Variants in TECRL observed in about 807,000 individuals in gnomAD.
TECRL encodes the protein trans-2,3-enoyl-CoA reductase-like.
A neutral mutation model predicts 52.8 loss-of-function variants in TECRL; 63 were observed. That is an observed-to-expected ratio of 1.19 (90% confidence interval 0.97 to 1.47). TECRL has a LOEUF of 1.47. TECRL is among the 40% of genes most tolerant of loss of function. The pLI, the probability that TECRL is intolerant of heterozygous loss-of-function variation, is 0.00. For synonymous variants in TECRL, 164 were observed against 141.9 expected (o/e 1.16, Z -1.10); for missense variants, 482 against 429.6 (o/e 1.12, Z -1.08).
At position 64,371,881 on chromosome 4, in the gene TECRL, T is replaced by C. The variant is rs146712344; in HGVS notation, c.286+3291A>G. ...AACATGTTCTAATAAAGTCATATTT[T>C]ATCCCAAGAGAAAAGTGGGTTACTT... On this transcript the variant is annotated intron_variant, in intron 2 of 11. Coordinates refer to ENST00000381210, the MANE Select transcript of TECRL (RefSeq NM_001010874.5). Among the ~76,000 whole-genome samples, 6 of 151,950 alleles carry C rather than the reference T, an allele frequency of 3.9e-5. No homozygotes were observed. In the East Asian group the frequency reaches 1.2e-3, roughly 29 times the overall value.
intron 4 of TECRL, among the ~76,000 whole-genome samples, chr4:64,316,088 T>C (rs934387767): frequency 6.6e-6 from 1 of 152,110 alleles, no homozygotes; most frequent in East Asian, 1.9e-4. Context: ...ATTGTTTTAG[T>C]ACAATAAAAT....
At chr4:64,312,707 A>C (rs1260413209) in intron 5 of TECRL, among the ~76,000 whole-genome samples, 4 of 151,474 alleles carry the variant, frequency 2.6e-5, no homozygotes, top group Non-Finnish European at 5.9e-5. Flanking sequence ...GTGAGGCTGC[A>C]GTGAGCCATA....
intron 8 of TECRL, 41 bp downstream of exon 8, chr4:64,299,933 A>G (rs1402783165): frequency 1.5e-6 from 2 of 1,351,254 alleles, no homozygotes; most frequent in East Asian, 5.1e-5. Context: ...AATAATACCA[A>G]AATTAGAGCG....
chr4:64,367,108 A>G (rs1293357058), intron 2 of TECRL, among the ~76,000 whole-genome samples: 1 of 152,146 alleles, frequency 6.6e-6, no homozygotes, highest in African/African-American at 2.4e-5. Context: ...GCTGGAGGCC[A>G]TTATCATGTG....
intron 4 of TECRL, among the ~76,000 whole-genome samples, chr4:64,322,442 TG>T: frequency 8.0e-6 from 1 of 124,910 alleles, no homozygotes; most frequent in East Asian, 2.3e-4. Flanking sequence ...AGTAATAGAG[TG>T]GGTTGACTTT....
intron 1 of TECRL, among the ~76,000 whole-genome samples, chr4:64,382,590 A>G (rs1404237768): frequency 6.6e-6 from 1 of 151,660 alleles, no homozygotes; most frequent in East Asian, 1.9e-4. Context: ...TTCAGTCTAT[A>G]TATGTTTTTA....
At chr4:64,336,658 T>G (rs1423864134) in intron 2 of TECRL, among the ~76,000 whole-genome samples, 18 of 152,222 alleles carry the variant, frequency 1.2e-4, no homozygotes. Context: ...GCTATAAATT[T>G]CCCTCTACAC....
intron 7 of TECRL, among the ~76,000 whole-genome samples, chr4:64,304,259 T>C (rs988851045): frequency 1.1e-4 from 16 of 151,988 alleles, no homozygotes; most frequent in African/African-American, 3.9e-4. Flanking sequence ...ATAGGAAATT[T>C]TCACTTTCAA....
chr4:64,295,124 AG>A (rs538403776), intron 8 of TECRL, among the ~76,000 whole-genome samples: 80 of 151,752 alleles, frequency 5.3e-4, no homozygotes, highest in Non-Finnish European at 9.0e-4. Context: ...ACAGACATAA[AG>A]ATAACATGTA....
chr4:64,300,409 C>T (rs976139650), intron 7 of TECRL, among the ~76,000 whole-genome samples: 1 of 150,538 alleles, frequency 6.6e-6, no homozygotes, highest in African/African-American at 2.4e-5. Context: ...CATTTGTTTT[C>T]TACATTGATG....
chr4:64,395,027 C>T (rs1028963338), intron 1 of TECRL, among the ~76,000 whole-genome samples: 10 of 150,786 alleles, frequency 6.6e-5, no homozygotes, highest in East Asian at 5.9e-4. Flanking sequence ...ATTCTTCTGC[C>T]TCAACCTCCT....
intron 4 of TECRL, among the ~76,000 whole-genome samples, chr4:64,322,453 TAAAAAA>T (rs77102922): frequency 3.5e-5 from 4 of 114,636 alleles, no homozygotes; most frequent in Non-Finnish European, 7.3e-5. Flanking sequence ...GGGTTGACTT[TAAAAAA>T]AAAAAAAAAA....
At chr4:64,363,614 A>G (rs988639473) in intron 2 of TECRL, among the ~76,000 whole-genome samples, 2 of 152,198 alleles carry the variant, frequency 1.3e-5, no homozygotes, top group African/African-American at 4.8e-5. Flanking sequence ...GAACAAAGGA[A>G]GTAGGAAGTA....
chr4:64,366,891 A>C lies in TECRL; in HGVS notation c.286+8281T>G, dbSNP rs1488931225. Reference sequence around the variant, plus strand: ...GCCCAGCAATACCGTTACTATGTATATGCCTGAAGGAATATGTCATTCTAC... The same window carrying C: ...GCCCAGCAATACCGTTACTATGTATCTGCCTGAAGGAATATGTCATTCTAC... On this transcript the variant is annotated intron_variant, in intron 2 of 11. Coordinates refer to ENST00000381210, the MANE Select transcript of TECRL (RefSeq NM_001010874.5). 2.5e-3 allele frequency among the ~76,000 whole-genome samples: 110 copies of C among 43,994 alleles called. 4 individuals carry two copies. In the Admixed American group the frequency reaches 0.033, roughly 13 times the overall value. 28.9% of individuals were successfully genotyped at this position (43,994 alleles called of 152,430 possible).
At chr4:64,398,019 C>T (rs543074332) in intron 1 of TECRL, among the ~76,000 whole-genome samples, 1 of 107,256 alleles carries the variant, frequency 9.3e-6, no homozygotes, top group African/African-American at 2.8e-5. Context: ...TTTATAAACA[C>T]ATATATTAAA....
rs185973836 is a variant in TECRL, at chr4:64,384,999, G to C, written c.235-9776C>G. On this transcript the variant is annotated intron_variant, in intron 1 of 11. Coordinates refer to ENST00000381210, the MANE Select transcript of TECRL (RefSeq NM_001010874.5). ...GGTGGGCAGTGCAGACCAGTTCCCA[G>C]GCCCATGGATGATGCACACAGTTAA... 3.4e-4 allele frequency among the ~76,000 whole-genome samples: 52 copies of C among 152,282 alleles called. No homozygotes were observed. The East Asian group carries it at 8.9e-3, about 26-fold the overall frequency.
intron 1 of TECRL, among the ~76,000 whole-genome samples, chr4:64,385,486 C>G (rs766583105): frequency 3.3e-4 from 50 of 152,120 alleles, no homozygotes; most frequent in Non-Finnish European, 5.7e-4. Flanking sequence ...ACTACACCAC[C>G]CTCCTGTTTC....
In TECRL at chr4:64,309,844, A is replaced by G; in HGVS notation, c.639T>C (p.Pro213=). 2 of 1,606,682 alleles carry G rather than the reference A, an allele frequency of 1.2e-6. No individual in the cohort carries two copies. The highest frequency in any genetic ancestry group is 2.2e-5 in the South Asian group (2 of 90,752). The part of the protein sequence containing the change: ...FVHKVSAGHT[P]LKNLIMSCAF... ...TCCTCACCATTATCAAATTTTTCAA[A>G]GGTGTGTGTCCTGCAGAAACTTTGT... Residue 213 remains proline (P), a synonymous_variant, in exon 6 of 12, where the codon CCT becomes CCC. Coordinates refer to ENST00000381210, the MANE Select transcript of TECRL (RefSeq NM_001010874.5).
chr4:64,379,014 T>C (rs912227314), intron 1 of TECRL, among the ~76,000 whole-genome samples: 4 of 151,980 alleles, frequency 2.6e-5, no homozygotes, highest in African/African-American at 4.8e-5. Context: ...ATGTTTCTTT[T>C]TATATTGCAA....
Sources: allele counts gnomAD v4.1 joint callset (sites outside exome capture counted in the v4.1 genomes callset), GRCh38; gene constraint gnomAD v4.1.1; transcripts MANE v1.5; gene names NCBI Gene and HGNC (gene_info 2026-07-23, HGNC 2026-07-21).